Variants in MYO3A observed in about 807,000 individuals in gnomAD.
The protein encoded by MYO3A is myosin-IIIa.
Under a neutral mutation model 192.7 loss-of-function variants are expected in MYO3A, and 180 were observed. The ratio of observed to expected loss-of-function variants is 0.93; its 90% CI spans 0.83 to 1.06. The LOEUF (loss-of-function observed/expected upper bound fraction) is 1.06. Among genes scored for constraint, MYO3A ranks in the 50% least tolerant of loss-of-function variants. The pLI is 0.00. For missense variants in MYO3A, 1,896 were observed against 1,905.0 expected, an observed-to-expected ratio of 1.00 and a Z score of 0.09; for synonymous variants, 628 against 645.3, an observed-to-expected ratio of 0.97 and a Z score of 0.41.
chr10:26,090,574 C>T (rs943123584), intron 15 of MYO3A, among the ~76,000 whole-genome samples: 1 of 152,068 alleles, frequency 6.6e-6, no homozygotes, highest in African/African-American at 2.4e-5. Flanking sequence ...ACACTTTTTC[C>T]ATTTTTATAT....
chr10:25,981,959 T>C (rs1021385638), intron 4 of MYO3A, among the ~76,000 whole-genome samples: 6 of 152,168 alleles, frequency 3.9e-5, no homozygotes, highest in Non-Finnish European at 5.9e-5. Context: ...TGAGTCTGCT[T>C]GCTTTCTCAA....
chr10:26,096,340 G>C, intron 15 of MYO3A, 41 bp from the exon 16 acceptor site: 1 of 1,371,248 alleles, frequency 7.3e-7, no homozygotes, highest in Non-Finnish European at 1.0e-6. Flanking sequence ...AGCAAGAAAT[G>C]TTCTTACTAA....
intron 31 of MYO3A, among the ~76,000 whole-genome samples, chr10:26,177,687 C>T (rs1842401218): frequency 6.6e-6 from 1 of 152,168 alleles, no homozygotes; most frequent in East Asian, 1.9e-4. Flanking sequence ...ATTTATTTTC[C>T]CTTGCTTTCT....
chr10:26,094,995 C>T (rs930739550), intron 15 of MYO3A, among the ~76,000 whole-genome samples: 2 of 152,076 alleles, frequency 1.3e-5, no homozygotes, highest in African/African-American at 4.8e-5. Context: ...CATTGGCCCC[C>T]TAAGTTTGCA....
chr10:26,158,662 A>C (rs924484754), intron 26 of MYO3A, among the ~76,000 whole-genome samples: 1 of 152,106 alleles, frequency 6.6e-6, no homozygotes, highest in African/African-American at 2.4e-5. Context: ...TCAATATCTT[A>C]TATATTTAAT....
In MYO3A at chr10:26,002,650, C is replaced by CCAGATAATCGGAATGAGTCAGGGTGGAG. The variant is rs1172215845; in HGVS notation, c.508+5395_508+5396insATAATCGGAATGAGTCAGGGTGGAGCAG. ...GGTAATCGGAATGAGTCAGGGTGGACCAGGTAATCGGAATGAGTCAGGGTG... is the reference window on the plus strand; with the variant it reads ...GGTAATCGGAATGAGTCAGGGTGGACCAGATAATCGGAATGAGTCAGGGTGGAGCAGGTAATCGGAATGAGTCAGGGTG... On this transcript the variant is annotated intron_variant, in intron 6 of 34. Coordinates refer to ENST00000642920, the MANE Select transcript of MYO3A (RefSeq NM_017433.5). Among the ~76,000 whole-genome samples the CCAGATAATCGGAATGAGTCAGGGTGGAG allele has an allele frequency of 5.2e-3, 650 of 124,116 alleles. 9 individuals carry two copies. The highest frequency in any genetic ancestry group is 6.3e-3 in the African/African-American group (161 of 25,598). The allele number at this position is 124,116 out of a possible 152,430, so 81.4% of individuals were successfully genotyped here. A position where few individuals can be genotyped will look rare whatever the true frequency, so the allele number is the denominator to read the frequency against.
intron 17 of MYO3A, among the ~76,000 whole-genome samples, chr10:26,098,333 T>C (rs577987049): frequency 6.0e-4 from 91 of 152,346 alleles, no homozygotes; most frequent in Middle Eastern, 6.8e-3. Context: ...GATGGGTAGA[T>C]TGTAAAAATT....
intron 6 of MYO3A, among the ~76,000 whole-genome samples, chr10:26,007,820 T>C (rs1841331979): frequency 6.6e-6 from 1 of 151,620 alleles, no homozygotes; most frequent in South Asian, 2.1e-4. Flanking sequence ...AGGTAATTTA[T>C]AGATTCATTG....
chr10:26,175,301 A>G (rs1209954004), intron 30 of MYO3A, among the ~76,000 whole-genome samples: 2 of 152,204 alleles, frequency 1.3e-5, no homozygotes, highest in East Asian at 3.8e-4. Context: ...GTAAATACCA[A>G]TTCCACTTCC....
chr10:26,082,351 G>A (rs968640586), intron 14 of MYO3A, among the ~76,000 whole-genome samples: 1 of 151,988 alleles, frequency 6.6e-6, no homozygotes, highest in Non-Finnish European at 1.5e-5. Flanking sequence ...TTTTGTTAAT[G>A]GGATTGCTTT....
At chr10:26,139,401 A>G (rs904991568) in intron 20 of MYO3A, among the ~76,000 whole-genome samples, 3 of 151,960 alleles carry the variant, frequency 2.0e-5, no homozygotes, top group Non-Finnish European at 4.4e-5. Context: ...CACCACACTC[A>G]GCTGATTTTG....
intron 7 of MYO3A, among the ~76,000 whole-genome samples, chr10:26,019,136 C>T (rs1255288694): frequency 6.6e-6 from 1 of 152,068 alleles, no homozygotes; most frequent in East Asian, 1.9e-4. Context: ...ACATTCACTC[C>T]TCATCTTTGC....
intron 2 of MYO3A, among the ~76,000 whole-genome samples, chr10:25,938,848 A>G (rs1588623972): frequency 6.6e-6 from 1 of 152,182 alleles, no homozygotes; most frequent in Non-Finnish European, 1.5e-5. Context: ...TGATATTTGC[A>G]TTATATTAGA....
chr10:26,075,635 C>CATAT (rs1229434151), intron 14 of MYO3A, among the ~76,000 whole-genome samples: 1 of 144,156 alleles, frequency 6.9e-6, no homozygotes, highest in Non-Finnish European at 1.5e-5. Flanking sequence ...ATATGTCTCT[C>CATAT]ATATATGATA....
intron 8 of MYO3A, among the ~76,000 whole-genome samples, chr10:26,023,684 GA>G (rs1194552432): frequency 6.6e-6 from 1 of 151,752 alleles, no homozygotes; most frequent in Non-Finnish European, 1.5e-5. Flanking sequence ...GGACTCATAG[GA>G]AAAAAATACC....
chr10:26,177,637 C>A (rs987861012), intron 31 of MYO3A, among the ~76,000 whole-genome samples: 5 of 152,220 alleles, frequency 3.3e-5, no homozygotes, highest in Non-Finnish European at 7.3e-5. Context: ...AGGAGTCCCA[C>A]GACTTTGAAC....
chr10:25,955,128 C>G, intron 4 of MYO3A, 120 bp downstream of exon 4: 1 of 1,411,634 alleles, frequency 7.1e-7, no homozygotes, highest in South Asian at 1.2e-5. Flanking sequence ...TCCTGACCAG[C>G]CATGAATGTT....
intron 2 of MYO3A, among the ~76,000 whole-genome samples, chr10:25,940,292 A>C (rs1265841044): frequency 2.6e-5 from 4 of 151,666 alleles, no homozygotes; most frequent in Non-Finnish European, 5.9e-5. Context: ...GACTTTTGTA[A>C]AGTCAGGTTT....
chr10:26,029,217 T>G (rs1374773476), intron 10 of MYO3A, among the ~76,000 whole-genome samples: 1 of 152,218 alleles, frequency 6.6e-6, no homozygotes, highest in Non-Finnish European at 1.5e-5. Context: ...TGCTCAACAC[T>G]TTCTGATTCT....
Sources: allele counts gnomAD v4.1 joint callset (sites outside exome capture counted in the v4.1 genomes callset), GRCh38; gene constraint gnomAD v4.1.1; transcripts MANE v1.5; gene names NCBI Gene and HGNC (gene_info 2026-07-23, HGNC 2026-07-21).